Variants in XKR4 observed in about 807,000 individuals in gnomAD.
XKR4 encodes the protein XK related 4, also known as XK-related protein 4.
Under a neutral mutation model 53.9 loss-of-function variants are expected in XKR4, and 12 were observed. The observed-to-expected ratio is 0.22, with a 90% CI of 0.14 to 0.36. XKR4 has a LOEUF of 0.36. XKR4 is among the 10% of genes least tolerant of loss of function. The probability of loss-of-function intolerance (pLI) is 1.00; values close to 1 mark genes in which losing one functional copy is unlikely to be tolerated. For synonymous variants in XKR4, 354 were observed against 362.4 expected (o/e 0.98, Z 0.26); for missense variants, 799 against 859.5 (o/e 0.93, Z 0.88).
intron 2 of XKR4, among the ~76,000 whole-genome samples, chr8:55,437,253 G>A (rs776351735): frequency 3.3e-5 from 5 of 151,746 alleles, no homozygotes; most frequent in East Asian, 1.9e-4. Context: ...GGCTGATCTC[G>A]AACTCCTGAC....
chr8:55,386,807 T>A (rs1804323340), intron 2 of XKR4, among the ~76,000 whole-genome samples: 1 of 152,244 alleles, frequency 6.6e-6, no homozygotes, highest in Admixed American at 6.5e-5. Context: ...TTATTTTCTT[T>A]TGTTTTTAAA....
At chr8:55,388,181 T>G (rs1056321400) in intron 2 of XKR4, among the ~76,000 whole-genome samples, 1 of 152,226 alleles carries the variant, frequency 6.6e-6, no homozygotes, top group East Asian at 1.9e-4. Context: ...ACATTTACCT[T>G]CTTTTCATTG....
intron 2 of XKR4, among the ~76,000 whole-genome samples, chr8:55,403,700 G>T (rs1228587284): frequency 6.6e-6 from 1 of 152,184 alleles, no homozygotes; most frequent in African/African-American, 2.4e-5. Flanking sequence ...TCTTCTGAGG[G>T]TTCAAAACAT....
chr8:55,210,544 A>G (rs1268925547), intron 1 of XKR4, among the ~76,000 whole-genome samples: 1 of 152,218 alleles, frequency 6.6e-6, no homozygotes, highest in Non-Finnish European at 1.5e-5. Context: ...CATGAATAAA[A>G]TGGCAGGTTT....
intron 2 of XKR4, among the ~76,000 whole-genome samples, chr8:55,463,972 A>T (rs1475287872): frequency 6.6e-6 from 1 of 152,176 alleles, no homozygotes; most frequent in Non-Finnish European, 1.5e-5. Flanking sequence ...TCTGAAATTG[A>T]GGCAATAATT....
At chr8:55,309,530 G>C (rs1748890665) in intron 1 of XKR4, among the ~76,000 whole-genome samples, 1 of 152,134 alleles carries the variant, frequency 6.6e-6, no homozygotes, top group Admixed American at 6.6e-5. Flanking sequence ...ATAAATGTGT[G>C]ATAAAATTGT....
intron 2 of XKR4, chr8:55,454,881 G>A (rs1805534355): frequency 1.8e-5 from 14 of 764,172 alleles, no homozygotes; most frequent in Admixed American, 5.5e-5. Flanking sequence ...AGCGCGTGTC[G>A]TTTCCTGCTC....
intron 1 of XKR4, among the ~76,000 whole-genome samples, chr8:55,321,675 T>C (rs779426153): frequency 7.2e-5 from 11 of 152,144 alleles, no homozygotes. Context: ...CAGCATATAT[T>C]TGTGAACCCA....
At chr8:55,314,484 C>A (rs865889832) in intron 1 of XKR4, among the ~76,000 whole-genome samples, 7 of 152,104 alleles carry the variant, frequency 4.6e-5, no homozygotes, top group Non-Finnish European at 1.0e-4. Context: ...ATTCAGCTCC[C>A]GGGGAAACCG....
intron 2 of XKR4, among the ~76,000 whole-genome samples, chr8:55,360,670 A>G (rs572294040): frequency 3.9e-4 from 60 of 152,304 alleles, no homozygotes; most frequent in African/African-American, 1.4e-3. Context: ...TAAAATTACT[A>G]TTTTTTAGGA....
intron 2 of XKR4, chr8:55,451,788 C>CTGA (rs1805451996): frequency 9.8e-7 from 1 of 1,022,862 alleles, no homozygotes; most frequent in Admixed American, 1.8e-5. Context: ...GGCCAAGGCA[C>CTGA]TGATAGTCGC....
At chr8:55,426,764 C>G (rs1477172018) in intron 2 of XKR4, among the ~76,000 whole-genome samples, 1 of 152,180 alleles carries the variant, frequency 6.6e-6, no homozygotes, top group East Asian at 1.9e-4. Context: ...GATATTTTTG[C>G]CACCACTAAT....
At chr8:55,510,724 A>G (rs944631452) in intron 2 of XKR4, among the ~76,000 whole-genome samples, 1 of 152,258 alleles carries the variant, frequency 6.6e-6, no homozygotes, top group Non-Finnish European at 1.5e-5. Flanking sequence ...TCATCATATT[A>G]TTAGATGCTC....
At chr8:55,496,728 A>C (rs766813050) in intron 2 of XKR4, among the ~76,000 whole-genome samples, 5 of 152,208 alleles carry the variant, frequency 3.3e-5, no homozygotes, top group Non-Finnish European at 7.3e-5. Context: ...ATATCCTACA[A>C]GTGCACCTCA....
chr8:55,316,869 C>T (rs1393817445), intron 1 of XKR4, among the ~76,000 whole-genome samples: 2 of 152,078 alleles, frequency 1.3e-5, no homozygotes, highest in South Asian at 2.1e-4. Context: ...AATGAATTTC[C>T]CTGGTGCAAA....
chr8:55,336,969 C>A (rs1421825623), intron 1 of XKR4, among the ~76,000 whole-genome samples: 2 of 152,120 alleles, frequency 1.3e-5, no homozygotes, highest in Non-Finnish European at 2.9e-5. Context: ...GCAAATAATC[C>A]TAAACTTGCA....
chr8:55,481,732 A>G (rs540229237), intron 2 of XKR4, among the ~76,000 whole-genome samples: 1,631 of 152,246 alleles, frequency 0.011, 27 homozygotes, highest in African/African-American at 0.038. Context: ...AAAAGTGGGC[A>G]AAGGATATGA....
intron 1 of XKR4, among the ~76,000 whole-genome samples, chr8:55,246,239 G>T (rs757676787): frequency 6.6e-6 from 1 of 152,174 alleles, no homozygotes; most frequent in Non-Finnish European, 1.5e-5. Flanking sequence ...TCTGAAAGAG[G>T]ACTTAGAGCA....
At chr8:55,257,413 C>A in intron 1 of XKR4, among the ~76,000 whole-genome samples, 1 of 149,456 alleles carries the variant, frequency 6.7e-6, no homozygotes. Flanking sequence ...GAAGAAAGAG[C>A]AATTCAGAGA....
Sources: allele counts gnomAD v4.1 joint callset (sites outside exome capture counted in the v4.1 genomes callset), GRCh38; gene constraint gnomAD v4.1.1; transcripts MANE v1.5; gene names NCBI Gene and HGNC (gene_info 2026-07-23, HGNC 2026-07-21).